Variants in KLHL29 observed in about 807,000 individuals in gnomAD.
KLHL29 encodes the protein kelch-like protein 29.
In KLHL29, 21 loss-of-function variants were observed where a neutral mutation model predicts 80.4. The ratio of observed to expected loss-of-function variants is 0.26; its 90% CI spans 0.19 to 0.38. The LOEUF (loss-of-function observed/expected upper bound fraction) is 0.38, where lower values mean the gene tolerates loss of function less well. KLHL29 is among the 10% of genes least tolerant of loss of function. KLHL29 has a pLI of 1.00. For missense variants in KLHL29, 867 were observed against 1,223.9 expected, an observed-to-expected ratio of 0.71 and a Z score of 4.35; for synonymous variants, 511 against 526.8, an observed-to-expected ratio of 0.97 and a Z score of 0.41.
chr2:23,680,460 A>T lies in KLHL29; in HGVS notation c.941-3939A>T, dbSNP rs1298252003. On this transcript the variant is annotated intron_variant, in intron 5 of 13. Transcript: ENST00000486442. The surrounding 1 kb of genome is among the most constrained non-coding windows in gnomAD (Gnocchi z 4.1). ...CCAGGGTGTGCAGTCCCACAGACGT[A>T]GGCGGGCATCCCGCTCAAAGCCGAG... 6.6e-6 allele frequency among the ~76,000 whole-genome samples: 1 copy of T among 152,184 alleles called. No individual in the cohort carries two copies. Among genetic ancestry groups the T allele is most frequent in the East Asian group, 1.9e-4 (1 of 5,188 alleles).
chr2:23,479,625 T>G (rs892792396), intron 2 of KLHL29, among the ~76,000 whole-genome samples: 2 of 152,150 alleles, frequency 1.3e-5, no homozygotes, highest in African/African-American at 4.8e-5. Context: ...TCCGGACCAT[T>G]TCTCCAGTGG....
At chr2:23,601,137 C>T (rs929497262) in intron 3 of KLHL29, among the ~76,000 whole-genome samples, 2 of 152,086 alleles carry the variant, frequency 1.3e-5, no homozygotes, top group Non-Finnish European at 2.9e-5. Context: ...CTCCTGGCCA[C>T]TGATTGTGTT....
At chr2:23,630,633 C>T (rs1288553576) in intron 3 of KLHL29, among the ~76,000 whole-genome samples, 1 of 152,068 alleles carries the variant, frequency 6.6e-6, no homozygotes, top group Non-Finnish European at 1.5e-5. Context: ...TACAGGCACA[C>T]ACCACCACAC....
At chr2:23,489,688 C>T (rs546479220) in intron 2 of KLHL29, among the ~76,000 whole-genome samples, 10 of 151,910 alleles carry the variant, frequency 6.6e-5, no homozygotes, top group Middle Eastern at 3.4e-3. Flanking sequence ...CCTGCAGGGA[C>T]GGCACTAGAT....
At chr2:23,644,586 G>T (rs180998404) in intron 5 of KLHL29, among the ~76,000 whole-genome samples, 8 of 152,384 alleles carry the variant, frequency 5.2e-5, no homozygotes, top group Non-Finnish European at 1.0e-4. Flanking sequence ...GGTGCAGGCA[G>T]CTAAACATTG....
intron 5 of KLHL29, among the ~76,000 whole-genome samples, chr2:23,656,608 G>A (rs1193895654): frequency 6.6e-6 from 1 of 152,358 alleles, no homozygotes; most frequent in East Asian, 1.9e-4. Context: ...GTGGCTGAGA[G>A]CTGAGAAGTT....
At position 23,682,699 on chromosome 2, in the gene KLHL29, C is replaced by T. The variant is rs537296374; in HGVS notation, c.941-1700C>T. On this transcript the variant is annotated intron_variant, in intron 5 of 13. Coordinates refer to ENST00000486442, the MANE Select transcript of KLHL29 (RefSeq NM_052920.2). The surrounding 1 kb of genome is among the most constrained non-coding windows in gnomAD (Gnocchi z 4.1). ...CCTCCCACACCCTCCCGCACCCTCC[C>T]GCGCCCTCCCACTGGTGCTCTGAGC... 4.6e-5 allele frequency among the ~76,000 whole-genome samples: 7 copies of T among 152,234 alleles called. No homozygotes were observed. The highest frequency in any genetic ancestry group is 7.2e-5 in the African/African-American group (3 of 41,536).
chr2:23,585,079 C>G (rs1037012154), intron 3 of KLHL29, among the ~76,000 whole-genome samples: 3 of 152,170 alleles, frequency 2.0e-5, no homozygotes, highest in African/African-American at 2.4e-5. Context: ...AGACACAGAC[C>G]GTAGTACCAG....
At chr2:23,386,756 C>T (rs1257857964) in intron 1 of KLHL29, among the ~76,000 whole-genome samples, 1 of 152,140 alleles carries the variant, frequency 6.6e-6, no homozygotes, top group South Asian at 2.1e-4. Context: ...AAGGGAGGGA[C>T]GTGCTCGCCT....
chr2:23,561,809 G>T (rs910718594), intron 2 of KLHL29, among the ~76,000 whole-genome samples: 1 of 152,084 alleles, frequency 6.6e-6, no homozygotes, highest in Non-Finnish European at 1.5e-5. Context: ...CTTTTTTCAC[G>T]GTGGGGTGGG....
At chr2:23,536,953 C>T (rs1349231719) in intron 2 of KLHL29, among the ~76,000 whole-genome samples, 1 of 151,850 alleles carries the variant, frequency 6.6e-6, no homozygotes, top group African/African-American at 2.4e-5. Flanking sequence ...CTCTCTCTCC[C>T]TCTCTCGCTC....
At chr2:23,631,623 T>C (rs1211281146) in intron 3 of KLHL29, among the ~76,000 whole-genome samples, 3 of 152,190 alleles carry the variant, frequency 2.0e-5, no homozygotes, top group Non-Finnish European at 4.4e-5. Flanking sequence ...TGGGAGACCC[T>C]CCCCTGGCCC....
intron 5 of KLHL29, among the ~76,000 whole-genome samples, chr2:23,671,612 A>T (rs4665629): frequency 0.76 from 115,598 of 152,086 alleles, 46,255 homozygotes; most frequent in East Asian, 0.99. Context: ...CAGCTTTGGA[A>T]GCAGAAGCCC....
intron 3 of KLHL29, among the ~76,000 whole-genome samples, chr2:23,599,386 A>G (rs1381259869): frequency 6.6e-6 from 1 of 152,166 alleles, no homozygotes; most frequent in African/African-American, 2.4e-5. Flanking sequence ...CAAGAAGAAA[A>G]ATTATAGAAG....
intron 2 of KLHL29, among the ~76,000 whole-genome samples, chr2:23,536,298 G>A (rs1420507001): frequency 2.6e-5 from 4 of 152,202 alleles, no homozygotes; most frequent in Non-Finnish European, 5.9e-5. Flanking sequence ...CATGATTGGG[G>A]TGACCCCATC....
intron 1 of KLHL29, among the ~76,000 whole-genome samples, chr2:23,450,342 A>T (rs545205071): frequency 6.6e-6 from 1 of 152,226 alleles, no homozygotes; most frequent in African/African-American, 2.4e-5. Flanking sequence ...TTGTTTTTCT[A>T]TAGCTTAGAT....
chr2:23,657,112 C>T (rs994508362), intron 5 of KLHL29, among the ~76,000 whole-genome samples: 4 of 152,140 alleles, frequency 2.6e-5, no homozygotes, highest in Non-Finnish European at 5.9e-5. Flanking sequence ...TGAGGACACC[C>T]CTTACTCCCT....
chr2:23,486,255 A>G (rs1393952325), intron 2 of KLHL29, among the ~76,000 whole-genome samples: 1 of 152,020 alleles, frequency 6.6e-6, no homozygotes, highest in Non-Finnish European at 1.5e-5. Context: ...CATTTCATTT[A>G]GCCCCTCACC....
At chr2:23,444,073 A>T (rs1405054636) in intron 1 of KLHL29, among the ~76,000 whole-genome samples, 1 of 152,190 alleles carries the variant, frequency 6.6e-6, no homozygotes, top group Non-Finnish European at 1.5e-5. Flanking sequence ...TAGGCACAAT[A>T]TGCCCCAGAC....
Sources: gnomAD v4.1 joint callset for allele counts (sites outside exome capture counted in the v4.1 genomes callset) on GRCh38, gnomAD v4.1.1 for gene constraint, Gnocchi (gnomAD v3.1) non-coding constraint, MANE v1.5 for transcripts, NCBI Gene and HGNC (gene_info 2026-07-23, HGNC 2026-07-21) for gene names.